GAREM2: variants seen among roughly 807,000 people sequenced by gnomAD.
GAREM2 encodes GRB2 associated regulator of MAPK1 subtype 2.
A neutral mutation model predicts 55.6 loss-of-function variants in GAREM2; 30 were observed. The ratio of observed to expected loss-of-function variants is 0.54; its 90% CI spans 0.40 to 0.73. The LOEUF (loss-of-function observed/expected upper bound fraction) is 0.73. Among genes scored for constraint, GAREM2 ranks in the 30% least tolerant of loss-of-function variants. The pLI is 0.00. For missense variants in GAREM2, 1,075 were observed against 1,257.7 expected (o/e 0.85, Z 2.20); for synonymous variants, 550 against 569.1 (o/e 0.97, Z 0.48).
Position 26,186,287 on chromosome 2 carries a change from C to G in GAREM2, c.1527C>G (p.Arg509=), listed in dbSNP as rs935543557. Residue 509 remains arginine (R), a synonymous_variant, in exon 5 of 6, where the codon CGC becomes CGG. Transcript: ENST00000401533. ...CCAGCAGCCCCCCGGTTCCCCCTCG[C>G]TTCCCCAAGCTGCAGCCGGTACATT... ...RLSSSPPVPP[R]FPKLQPVHSP... The G allele has an allele frequency of 6.4e-7, 1 of 1,551,268 alleles. No individual in the cohort carries two copies. Among genetic ancestry groups the G allele is most frequent in the Non-Finnish European group, 8.7e-7 (1 of 1,146,906 alleles).
chr2:26,189,988 A>G (rs1669441481), downstream of GAREM2, among the ~76,000 whole-genome samples: 1 of 152,270 alleles, frequency 6.6e-6, no homozygotes, highest in African/African-American at 2.4e-5. Context: ...CTGCATTGGC[A>G]GAATGCCGGC....
the GAREM2 span, chr2:26,195,380 G>A: frequency 2.6e-6 from 2 of 765,144 alleles, no homozygotes. Context: ...GGTTCCATGG[G>A]TCTTTGATAA....
At chr2:26,194,570 C>T, downstream of GAREM2, 8 of 1,596,028 alleles carry the variant, frequency 5.0e-6, no homozygotes, top group Non-Finnish European at 6.9e-6. Flanking sequence ...CAATACCAAC[C>T]TGGAGGATTC....
chr2:26,182,825 G>T, intron 2 of GAREM2, 142 bp from the exon 3 acceptor site: 1 of 1,035,718 alleles, frequency 9.7e-7, no homozygotes, highest in Non-Finnish European at 1.4e-6. Context: ...CCATGCCAGT[G>T]GAAACCTGCC....
At chr2:26,192,410 T>C (rs1669535160), downstream of GAREM2, 14 of 1,584,806 alleles carry the variant, frequency 8.8e-6, no homozygotes, top group Non-Finnish European at 1.2e-5. Flanking sequence ...TAAAAGCCCT[T>C]CCCAGATTTA....
At chr2:26,190,813 A>T (rs779402635), downstream of GAREM2, 23 of 280,640 alleles carry the variant, frequency 8.2e-5, no homozygotes, top group South Asian at 8.7e-4. Flanking sequence ...CCCAAAGCAC[A>T]GGGCTTTCTT....
At chr2:26,191,370 A>G, downstream of GAREM2, 1 of 1,614,210 alleles carries the variant, frequency 6.2e-7, no homozygotes, top group Non-Finnish European at 8.5e-7. Flanking sequence ...TCTGGGCGCC[A>G]TACAGATCCA....
At chr2:26,200,149 GTTTA>G in the GAREM2 span, among the ~76,000 whole-genome samples, 22 of 150,318 alleles carry the variant, frequency 1.5e-4, no homozygotes, top group Admixed American at 2.6e-4. Flanking sequence ...TTGTTTGTTT[GTTTA>G]TTTATTTATT....
chr2:26,187,884 A>G lies in GAREM2; in HGVS notation c.2252A>G (p.His751Arg), dbSNP rs1256948432. 4 of 1,438,418 alleles carry G rather than the reference A, an allele frequency of 2.8e-6. No individual in the cohort carries two copies. The highest frequency in any genetic ancestry group is 3.7e-6 in the Non-Finnish European group (4 of 1,091,026). 89.1% of individuals were successfully genotyped at this position (1,438,418 alleles called of 1,614,324 possible). A position where few individuals can be genotyped will look rare whatever the true frequency, so the allele number is the denominator to read the frequency against. The change falls in exon 6 of 6, where the codon CAC becomes CGC. Residue 751 changes from histidine to arginine, a missense_variant. Around this residue, in one of 6 missense-constraint regions of GAREM2, gnomAD observed 142 missense variants for 172.3 expected, o/e 0.82. Coordinates refer to ENST00000401533, the MANE Select transcript of GAREM2 (RefSeq NM_001168241.2). ...KAFEPEGLVL[H>R]QVPTPLSPAA... ...TTTGAGCCTGAAGGTTTGGTGCTGC[A>G]CCAGGTCCCCACCCCACTGTCACCA... is the stretch of plus-strand genomic sequence containing the variant.
downstream of GAREM2, among the ~76,000 whole-genome samples, chr2:26,193,278 A>G (rs1207473281): frequency 6.9e-6 from 1 of 144,168 alleles, no homozygotes; most frequent in East Asian, 2.2e-4. Flanking sequence ...AGCCCTTAGA[A>G]GGTTCACATG....
the GAREM2 span, chr2:26,195,357 A>G: frequency 1.2e-6 from 1 of 861,776 alleles, no homozygotes; most frequent in African/African-American, 1.6e-5. Context: ...TGCTTGACAT[A>G]GCTGAGTGGT....
chr2:26,195,410 A>G, the GAREM2 span, among the ~76,000 whole-genome samples: 1 of 152,082 alleles, frequency 6.6e-6, no homozygotes, highest in East Asian at 1.9e-4. Context: ...ATGTTTAGGG[A>G]GAGCACATTG....
intron 2 of GAREM2, chr2:26,182,347 T>C (rs1669077309): frequency 1.3e-6 from 2 of 1,507,424 alleles, no homozygotes; most frequent in South Asian, 1.3e-5. Flanking sequence ...TAGGATTGGA[T>C]ATTGGACCAG....
intron 1 of GAREM2, 101 bp from the exon 2 acceptor site, chr2:26,176,242 CA>C: frequency 8.5e-7 from 1 of 1,173,676 alleles, no homozygotes; most frequent in Non-Finnish European, 1.1e-6. Context: ...AGCTGTCCCT[CA>C]GGGGGGCGGT....
chr2:26,195,040 G>A, the GAREM2 span: 3 of 1,416,120 alleles, frequency 2.1e-6, no homozygotes, highest in African/African-American at 1.4e-5. Flanking sequence ...GGTAAAAGGA[G>A]TCTTATTAGA....
chr2:26,184,896 G>A lies in GAREM2; in HGVS notation c.1048G>A (p.Glu350Lys). Residue 350 changes from glutamate to lysine, a missense_variant, in exon 4 of 6, where the codon GAG becomes AAG. By Grantham distance (56) the Glu-to-Lys change is moderately conservative (BLOSUM62 1). This residue lies in a region of GAREM2 where 170 missense variants were observed against 220.7 expected (regional missense o/e 0.77). Coordinates refer to ENST00000401533, the MANE Select transcript of GAREM2 (RefSeq NM_001168241.2). Reference protein sequence around the residue: ...LVRDSASYCRERFDPDEYSTA... With the variant: ...LVRDSASYCRKRFDPDEYSTA... ...GCGCGACAGCGCCTCCTACTGCCGC[G>A]AGCGCTTCGACCCCGACGAGTACTC... The A allele has an allele frequency of 6.9e-7, 1 of 1,455,918 alleles. No homozygotes were observed. 90.2% of individuals were successfully genotyped at this position (1,455,918 alleles called of 1,614,324 possible). A position where few individuals can be genotyped will look rare whatever the true frequency, so the allele number is the denominator to read the frequency against.
chr2:26,190,956 G>A (rs1248454184), downstream of GAREM2: 4 of 523,546 alleles, frequency 7.6e-6, no homozygotes, highest in Admixed American at 9.5e-5. Context: ...GGCCTCTTGG[G>A]AGGAACAGGC....
chr2:26,187,418 G>A lies in GAREM2; in HGVS notation c.1786G>A (p.Ala596Thr), dbSNP rs953478755. Residue 596 changes from alanine to threonine, a missense_variant, in exon 6 of 6, where the codon GCC (alanine) becomes ACC (threonine). Transcript: ENST00000401533. Reference protein sequence around the residue: ...ALTEPLSGRAASLLGADTPVK... With the variant: ...ALTEPLSGRATSLLGADTPVK... ...CACAGAGCCTCTGAGCGGTCGAGCC[G>A]CCTCCCTTCTGGGGGCTGACACCCC... 2.1e-5 allele frequency: 32 copies of A among 1,547,238 alleles called. No homozygotes were observed. Among genetic ancestry groups the A allele is most frequent in the Admixed American group, 8.0e-5 (4 of 50,300 alleles).
chr2:26,183,149 G>A, intron 3 of GAREM2, 52 bp downstream of exon 3: 1 of 1,538,508 alleles, frequency 6.5e-7, no homozygotes, highest in Non-Finnish European at 8.8e-7. Context: ...CCTTGCCTCA[G>A]GGGCAACCCT....
Sources: gnomAD v4.1 joint callset for allele counts (sites outside exome capture counted in the v4.1 genomes callset) on GRCh38, gnomAD v4.1.1 for gene constraint, gnomAD v4.1.1 regional missense constraint, MANE v1.5 for transcripts, NCBI Gene and HGNC (gene_info 2026-07-23, HGNC 2026-07-21) for gene names.